Variants in GRM7 observed in about 807,000 individuals in gnomAD.
GRM7 encodes metabotropic glutamate receptor 7.
A neutral mutation model predicts 84.5 loss-of-function variants in GRM7; 35 were observed. The observed-to-expected ratio is 0.41, with a 90% CI of 0.32 to 0.55. The LOEUF (loss-of-function observed/expected upper bound fraction) is 0.55, where lower values mean the gene tolerates loss of function less well. Among genes scored for constraint, GRM7 ranks in the 20% least tolerant of loss-of-function variants. GRM7 has a pLI of 0.19. For synonymous variants in GRM7, 487 were observed against 455.1 expected (o/e 1.07, Z -0.89); for missense variants, 1,003 against 1,194.6 (o/e 0.84, Z 2.36).
chr3:6,984,034 C>T (rs1045585253), intron 1 of GRM7, among the ~76,000 whole-genome samples: 3 of 152,106 alleles, frequency 2.0e-5, no homozygotes, highest in Non-Finnish European at 2.9e-5. Flanking sequence ...GGACCACTTC[C>T]GTGGAATGAC....
chr3:7,115,373 A>G (rs1337463773), intron 1 of GRM7, among the ~76,000 whole-genome samples: 2 of 152,174 alleles, frequency 1.3e-5, no homozygotes, highest in African/African-American at 4.8e-5. Flanking sequence ...ACATATGTCA[A>G]GCACCTGAAA....
intron 1 of GRM7, among the ~76,000 whole-genome samples, chr3:7,094,759 T>C (rs1052096618): frequency 6.6e-6 from 1 of 151,998 alleles, no homozygotes; most frequent in African/African-American, 2.4e-5. Context: ...ATTTGCAAAA[T>C]GGGAATAATA....
chr3:7,322,586 C>T (rs1700826250), intron 4 of GRM7, among the ~76,000 whole-genome samples: 1 of 150,890 alleles, frequency 6.6e-6, no homozygotes, highest in Middle Eastern at 3.4e-3. Context: ...TCCCCAAAGT[C>T]CATTAAATCA....
At chr3:7,737,607 A>C (rs1459800268) in intron 9 of GRM7, among the ~76,000 whole-genome samples, 1 of 152,124 alleles carries the variant, frequency 6.6e-6, no homozygotes. Flanking sequence ...AACCTAATAC[A>C]TTGGACATTG....
rs570622379 is a variant in GRM7, at chr3:7,423,057, C to T, written c.1174+7894C>T. 2.6e-5 allele frequency among the ~76,000 whole-genome samples: 4 copies of T among 152,190 alleles called. 1 individual carries two copies. In the South Asian group the frequency reaches 8.3e-4, roughly 32 times the overall value. On this transcript the variant is annotated intron_variant, in intron 5 of 9. Coordinates refer to ENST00000357716, the MANE Select transcript of GRM7 (RefSeq NM_000844.4). ...TATGAAATAGAGGTGTATAGATGGA[C>T]CCTGCAGTAAATAAATTTTTCCTTC...
chr3:7,253,770 G>A (rs2124944428), intron 2 of GRM7, among the ~76,000 whole-genome samples: 1 of 152,204 alleles, frequency 6.6e-6, no homozygotes, highest in South Asian at 2.1e-4. Flanking sequence ...GGTGTAGTAA[G>A]TCTTCTGATG....
At chr3:6,949,631 G>T (rs990398121) in intron 1 of GRM7, among the ~76,000 whole-genome samples, 28 of 151,806 alleles carry the variant, frequency 1.8e-4, no homozygotes, top group South Asian at 4.1e-4. Flanking sequence ...AGTTCTCCTG[G>T]ATAATATCCT....
In GRM7 at chr3:7,126,924, A is replaced by G. The variant is rs558151423; in HGVS notation, c.520-19528A>G. Among the ~76,000 whole-genome samples, 3 of 152,348 alleles carry G rather than the reference A, an allele frequency of 2.0e-5. No homozygotes were observed. The South Asian group carries it at 6.2e-4, about 32-fold the overall frequency. On this transcript the variant is annotated intron_variant, in intron 1 of 9. Transcript: ENST00000357716. The stretch of plus-strand genomic sequence containing the variant: ...ACACTATGTCCCTGAGATATTGAGA[A>G]CAAGGTGCACACAAATCTATTTTAA...
intron 4 of GRM7, among the ~76,000 whole-genome samples, chr3:7,321,924 C>T (rs1700798310): frequency 6.6e-6 from 1 of 152,106 alleles, no homozygotes. Context: ...GGTTAGGTTA[C>T]ACCTGGCCTC....
rs554029893 is a variant in GRM7 at position 7,263,436 on chromosome 3, A to G, written c.737-35248A>G. 2.6e-5 allele frequency among the ~76,000 whole-genome samples: 4 copies of G among 152,220 alleles called. No individual in the cohort carries two copies. In the South Asian group the frequency reaches 8.3e-4, roughly 32 times the overall value. Reference sequence around the variant, plus strand: ...GCAGCAGTGGCAGCAGCAGCATGGCAGGGTGCACCCTCATTGGCTGTGACA... The same window carrying G: ...GCAGCAGTGGCAGCAGCAGCATGGCGGGGTGCACCCTCATTGGCTGTGACA... On this transcript the variant is annotated intron_variant, in intron 2 of 9. Transcript: ENST00000357716.
intron 8 of GRM7, among the ~76,000 whole-genome samples, chr3:7,674,422 C>T (rs1236966196): frequency 6.6e-6 from 1 of 152,040 alleles, no homozygotes; most frequent in African/African-American, 2.4e-5. Flanking sequence ...GAACTCCTGA[C>T]CTCAGGTGAT....
At chr3:7,338,696 C>CA (rs1204772467) in intron 4 of GRM7, among the ~76,000 whole-genome samples, 1 of 151,952 alleles carries the variant, frequency 6.6e-6, no homozygotes, top group African/African-American at 2.4e-5. Flanking sequence ...ATCACTGGAC[C>CA]ACTGGTATTG....
intron 2 of GRM7, among the ~76,000 whole-genome samples, chr3:7,234,250 T>A (rs1392113085): frequency 1.3e-5 from 2 of 152,158 alleles, no homozygotes; most frequent in African/African-American, 2.4e-5. Flanking sequence ...GTTTCTGAGG[T>A]TCATTGGAAA....
At chr3:6,946,091 T>G (rs1363785100) in intron 1 of GRM7, among the ~76,000 whole-genome samples, 1 of 152,200 alleles carries the variant, frequency 6.6e-6, no homozygotes, top group Admixed American at 6.5e-5. Context: ...ATTTTGTCTT[T>G]TGTTGCCATT....
chr3:6,973,465 G>C (rs1290627664), intron 1 of GRM7, among the ~76,000 whole-genome samples: 2 of 152,108 alleles, frequency 1.3e-5, no homozygotes, highest in Non-Finnish European at 2.9e-5. Flanking sequence ...TTGTATATAT[G>C]TGTACACATA....
At chr3:7,125,259 C>T (rs1693360900) in intron 1 of GRM7, among the ~76,000 whole-genome samples, 2 of 152,116 alleles carry the variant, frequency 1.3e-5, no homozygotes, top group South Asian at 2.1e-4. Flanking sequence ...TTATTAGCTG[C>T]ACAGGGAGGC....
At chr3:7,078,862 T>TC (rs1698184207) in intron 1 of GRM7, among the ~76,000 whole-genome samples, 3 of 151,766 alleles carry the variant, frequency 2.0e-5, no homozygotes, top group Non-Finnish European at 4.4e-5. Context: ...TGTTTTTTTT[T>TC]TTTCATTTCT....
intron 1 of GRM7, among the ~76,000 whole-genome samples, chr3:6,939,238 T>A (rs1697803183): frequency 6.6e-6 from 1 of 152,158 alleles, no homozygotes; most frequent in Non-Finnish European, 1.5e-5. Flanking sequence ...AGGCTTTAGT[T>A]GTAATAAGAA....
intron 1 of GRM7, among the ~76,000 whole-genome samples, chr3:6,869,506 G>A (rs889092388): frequency 6.6e-6 from 1 of 151,822 alleles, no homozygotes; most frequent in Non-Finnish European, 1.5e-5. Context: ...TAGTTATGCT[G>A]GATTACACTC....
Sources: gnomAD v4.1 joint callset for allele counts (sites outside exome capture counted in the v4.1 genomes callset) on GRCh38, gnomAD v4.1.1 for gene constraint, MANE v1.5 for transcripts, NCBI Gene and HGNC (gene_info 2026-07-23, HGNC 2026-07-21) for gene names.